Variants in MYLK observed in about 807,000 individuals in gnomAD.
MYLK encodes myosin light chain kinase, smooth muscle.
MYLK carries 106 observed loss-of-function variants against 203.4 expected under a neutral mutation model. The ratio of observed to expected loss-of-function variants is 0.52; its 90% CI spans 0.45 to 0.61. The LOEUF is 0.61. Among genes scored for constraint, MYLK ranks in the 20% least tolerant of loss-of-function variants. MYLK has a pLI of 0.00. For missense variants in MYLK, 2,072 were observed against 2,442.3 expected, an observed-to-expected ratio of 0.85 and a Z score of 3.20; for synonymous variants, 867 against 959.5, an observed-to-expected ratio of 0.90 and a Z score of 1.78.
chr3:123,689,308 C>T (rs1287812225), intron 19 of MYLK, among the ~76,000 whole-genome samples: 1 of 152,148 alleles, frequency 6.6e-6, no homozygotes, highest in Non-Finnish European at 1.5e-5. Context: ...CACTGCTCAT[C>T]TGGGTTGGAA....
chr3:123,710,254 C>T (rs2061639425), intron 13 of MYLK, among the ~76,000 whole-genome samples: 3 of 150,808 alleles, frequency 2.0e-5, no homozygotes, highest in Admixed American at 1.3e-4. Flanking sequence ...CATCCCCCAG[C>T]CACCAGTGAT....
At chr3:123,814,329 T>C (rs932522826) in intron 3 of MYLK, 1 of 159,560 alleles carries the variant, frequency 6.3e-6, no homozygotes, top group African/African-American at 2.4e-5. Context: ...CGGGTTATTT[T>C]GGACATGTTC....
chr3:123,750,314 G>C (rs2063154198), intron 5 of MYLK, among the ~76,000 whole-genome samples: 1 of 152,160 alleles, frequency 6.6e-6, no homozygotes, highest in Non-Finnish European at 1.5e-5. Context: ...CCAAAGGGGA[G>C]GGGTGGGGTT....
At chr3:123,874,870 A>G (rs181689090) in intron 2 of MYLK, among the ~76,000 whole-genome samples, 91 of 152,336 alleles carry the variant, frequency 6.0e-4, no homozygotes, top group African/African-American at 2.1e-3. Flanking sequence ...TGTTTGGCAA[A>G]TAAGTACAAA....
intron 4 of MYLK, among the ~76,000 whole-genome samples, chr3:123,767,473 G>T (rs1438188847): frequency 6.6e-6 from 1 of 152,228 alleles, no homozygotes; most frequent in Non-Finnish European, 1.5e-5. Flanking sequence ...CAAGCATGGT[G>T]GCTTGCACCT....
chr3:123,709,434 C>G (rs2061605270), intron 14 of MYLK: 4 of 361,638 alleles, frequency 1.1e-5, no homozygotes, highest in South Asian at 9.4e-5. Context: ...GCCACCGTGC[C>G]CGGCCCATAA....
At chr3:123,796,242 A>G (rs751537086) in intron 3 of MYLK, among the ~76,000 whole-genome samples, 5 of 152,326 alleles carry the variant, frequency 3.3e-5, no homozygotes, top group Admixed American at 1.3e-4. Flanking sequence ...TGAGACAGAT[A>G]ATCTTGGTAT....
In MYLK at chr3:123,648,474, T is replaced by C. The variant is rs2059098724; in HGVS notation, c.4415+497A>G. Among the ~76,000 whole-genome samples, 1 of 152,174 alleles carries C rather than the reference T, an allele frequency of 6.6e-6. No homozygotes were observed. The highest frequency in any genetic ancestry group is 2.4e-5 in the African/African-American group (1 of 41,424). ...CTCTCATTTTATTTTATTTTAAAAA[T>C]TATTTTATTTTATTGTTTTTAAGTT... On this transcript the variant is annotated intron_variant, in intron 26 of 33. Transcript: ENST00000360304. The surrounding 1 kb of genome is among the most constrained non-coding windows in gnomAD (Gnocchi z 4.5).
chr3:123,691,127 T>C (rs996374987), intron 19 of MYLK: 5 of 152,188 alleles, frequency 3.3e-5, no homozygotes, highest in African/African-American at 1.2e-4. Context: ...CGAAAGCCGA[T>C]AACCTCCTTC....
At chr3:123,834,943 G>T (rs1318051166) in intron 2 of MYLK, among the ~76,000 whole-genome samples, 1 of 152,192 alleles carries the variant, frequency 6.6e-6, no homozygotes, top group African/African-American at 2.4e-5. Context: ...CGAGCCTGAA[G>T]GGTATTGTTG....
At chr3:123,759,321 G>T (rs1451867634) in intron 4 of MYLK, among the ~76,000 whole-genome samples, 1 of 152,002 alleles carries the variant, frequency 6.6e-6, no homozygotes, top group East Asian at 1.9e-4. Flanking sequence ...CTCACCATGG[G>T]TCTCCACGGA....
intron 2 of MYLK, among the ~76,000 whole-genome samples, chr3:123,832,007 G>T (rs1022521759): frequency 1.3e-5 from 2 of 152,216 alleles, no homozygotes; most frequent in African/African-American, 4.8e-5. Context: ...CTGCCTTCCT[G>T]CAGGTGAAAG....
At chr3:123,796,685 G>C (rs144575796) in intron 3 of MYLK, among the ~76,000 whole-genome samples, 2 of 152,282 alleles carry the variant, frequency 1.3e-5, no homozygotes, top group Non-Finnish European at 2.9e-5. Flanking sequence ...TAATCCAAGA[G>C]TGCAAATTAA....
At position 123,629,178 on chromosome 3, in the gene MYLK, G is replaced by C. The variant is rs1019214427; in HGVS notation, c.5114+296C>G. Among the ~76,000 whole-genome samples, 1 of 152,160 alleles carries C rather than the reference G, an allele frequency of 6.6e-6. No homozygotes were observed. Among genetic ancestry groups the C allele is most frequent in the Non-Finnish European group, 1.5e-5 (1 of 68,038 alleles). On this transcript the variant is annotated intron_variant, in intron 30 of 33. Coordinates refer to ENST00000360304, the MANE Select transcript of MYLK (RefSeq NM_053025.4). This position sits in a 1 kb window ranked among gnomAD's most constrained non-coding sequence, Gnocchi z 4.4. The stretch of plus-strand genomic sequence containing the variant: ...AAGAAGGGTGGTCATTATTCACACA[G>C]AACAGCTGCCCCTTGCTCTGTAACG...
intron 4 of MYLK, among the ~76,000 whole-genome samples, chr3:123,776,767 C>A (rs571151848): frequency 6.6e-6 from 1 of 152,268 alleles, no homozygotes; most frequent in African/African-American, 2.4e-5. Flanking sequence ...AGTATTATCC[C>A]CATTTTATAG....
intron 3 of MYLK, among the ~76,000 whole-genome samples, chr3:123,797,657 A>T (rs1275463610): frequency 6.6e-6 from 1 of 152,068 alleles, no homozygotes; most frequent in South Asian, 2.1e-4. Context: ...CCCTGCCACA[A>T]ACCCGGGGAC....
chr3:123,694,538 T>A (rs2060826698), intron 18 of MYLK, among the ~76,000 whole-genome samples: 1 of 151,974 alleles, frequency 6.6e-6, no homozygotes, highest in Non-Finnish European at 1.5e-5. Context: ...CATCTGGAAA[T>A]TTTCCCTCAA....
intron 5 of MYLK, among the ~76,000 whole-genome samples, chr3:123,743,366 G>C (rs941030397): frequency 1.3e-5 from 2 of 152,186 alleles, no homozygotes; most frequent in Non-Finnish European, 1.5e-5. Context: ...AAATGGAATT[G>C]ATGGATGCTT....
intron 16 of MYLK, among the ~76,000 whole-genome samples, chr3:123,701,766 G>T (rs2061239356): frequency 6.6e-6 from 1 of 152,222 alleles, no homozygotes; most frequent in Non-Finnish European, 1.5e-5. Flanking sequence ...CCAGAAATAG[G>T]AACACTTTTC....
Sources: allele counts gnomAD v4.1 joint callset (sites outside exome capture counted in the v4.1 genomes callset), GRCh38; gene constraint gnomAD v4.1.1; non-coding constraint Gnocchi (gnomAD v3.1); transcripts MANE v1.5; gene names NCBI Gene and HGNC (gene_info 2026-07-23, HGNC 2026-07-21).